Variants in DLG2 observed in about 807,000 individuals in gnomAD.
DLG2 encodes discs large MAGUK scaffold protein 2, also known as disks large homolog 2.
Under a neutral mutation model 132.5 loss-of-function variants are expected in DLG2, and 45 were observed. The observed-to-expected ratio is 0.34, with a 90% CI of 0.27 to 0.44. DLG2 has a LOEUF of 0.44. Ranked by LOEUF, DLG2 falls within the 20% of genes least tolerant of loss-of-function variation. DLG2 has a pLI of 1.00. For synonymous variants in DLG2, 424 were observed against 419.6 expected (o/e 1.01, Z -0.13); for missense variants, 1,045 against 1,196.9 (o/e 0.87, Z 1.87).
chr11:83,743,143 C>A (rs1165193431), intron 18 of DLG2, among the ~76,000 whole-genome samples: 1 of 152,186 alleles, frequency 6.6e-6, no homozygotes, highest in Non-Finnish European at 1.5e-5. Context: ...TTTAGCTCTA[C>A]AATTCATGTT....
chr11:85,309,873 T>C (rs192877705), intron 3 of DLG2, among the ~76,000 whole-genome samples: 21 of 152,330 alleles, frequency 1.4e-4, no homozygotes, highest in African/African-American at 4.8e-4. Flanking sequence ...ATCTCTCCCA[T>C]AGCCATTATG....
At chr11:84,014,001 C>T (rs1031443112) in intron 11 of DLG2, among the ~76,000 whole-genome samples, 6 of 151,192 alleles carry the variant, frequency 4.0e-5, no homozygotes, top group Non-Finnish European at 2.9e-5. Flanking sequence ...TTGAGTATAT[C>T]TTCACAATGC....
intron 4 of DLG2, among the ~76,000 whole-genome samples, chr11:85,237,450 A>G (rs557903902): frequency 1.3e-5 from 2 of 152,144 alleles, no homozygotes; most frequent in African/African-American, 4.8e-5. Context: ...TACACAGTTG[A>G]CCCTTAAACA....
At chr11:83,777,278 G>A (rs566902836) in intron 18 of DLG2, among the ~76,000 whole-genome samples, 22 of 152,264 alleles carry the variant, frequency 1.4e-4, no homozygotes, top group African/African-American at 5.1e-4. Context: ...GAAACAAAGT[G>A]CAATTTGGAA....
chr11:84,583,637 G>A (rs1216675173), intron 6 of DLG2, among the ~76,000 whole-genome samples: 1 of 152,146 alleles, frequency 6.6e-6, no homozygotes, highest in Non-Finnish European at 1.5e-5. Context: ...AAATATTCTT[G>A]TATGGGTTCT....
chr11:84,850,538 G>A (rs955438730), intron 6 of DLG2, among the ~76,000 whole-genome samples: 1 of 152,088 alleles, frequency 6.6e-6, no homozygotes, highest in Non-Finnish European at 1.5e-5. Context: ...ACAATGTACT[G>A]GAATATCTAG....
At chr11:85,044,558 G>A (rs2062155181) in intron 6 of DLG2, among the ~76,000 whole-genome samples, 1 of 151,948 alleles carries the variant, frequency 6.6e-6, no homozygotes, top group African/African-American at 2.4e-5. Context: ...AACCTCCAGA[G>A]TGTTATTACA....
At chr11:84,844,961 T>C (rs1338001607) in intron 6 of DLG2, among the ~76,000 whole-genome samples, 4 of 152,162 alleles carry the variant, frequency 2.6e-5, no homozygotes, top group Non-Finnish European at 5.9e-5. Flanking sequence ...CATATTAACA[T>C]TGTTTTGAAG....
At chr11:84,074,220 G>A (rs1309830249) in intron 10 of DLG2, among the ~76,000 whole-genome samples, 1 of 151,970 alleles carries the variant, frequency 6.6e-6, no homozygotes, top group African/African-American at 2.4e-5. Flanking sequence ...CATCACCAGT[G>A]GCCAGCTCAA....
Position 85,604,686 on chromosome 11 carries a change from G to C in DLG2, c.-92-5898C>G, listed in dbSNP as rs555489801. ...TTGAGGGCAGGCACAGGAGGAAATGGGGGGGAAGGGAGAATCACTTTTTAA... is the reference window on the plus strand; with the variant it reads ...TTGAGGGCAGGCACAGGAGGAAATGCGGGGGAAGGGAGAATCACTTTTTAA... On this transcript the variant is annotated intron_variant, in intron 2 of 27. Coordinates refer to ENST00000376104, the MANE Select transcript of DLG2 (RefSeq NM_001142699.3). 1.7e-4 allele frequency among the ~76,000 whole-genome samples: 26 copies of C among 152,148 alleles called. 1 individual carries two copies. The South Asian group carries it at 5.2e-3, about 30-fold the overall frequency.
At chr11:84,662,894 G>A (rs1415864412) in intron 6 of DLG2, among the ~76,000 whole-genome samples, 3 of 151,236 alleles carry the variant, frequency 2.0e-5, no homozygotes. Flanking sequence ...GGAGCTATAA[G>A]TCTAGTTTTA....
chr11:84,807,709 T>C (rs2076152264), intron 6 of DLG2, among the ~76,000 whole-genome samples: 1 of 152,150 alleles, frequency 6.6e-6, no homozygotes, highest in South Asian at 2.1e-4. Context: ...TTATCTATTG[T>C]AATACCAGAT....
chr11:85,208,759 G>C (rs889394586), intron 4 of DLG2, among the ~76,000 whole-genome samples: 1 of 152,098 alleles, frequency 6.6e-6, no homozygotes, highest in Non-Finnish European at 1.5e-5. Context: ...AGCTACCAGA[G>C]AACCAGGGAG....
chr11:85,559,849 TAGATAGATAG>T (rs1400324620), intron 3 of DLG2, among the ~76,000 whole-genome samples: 12 of 151,048 alleles, frequency 7.9e-5, no homozygotes, highest in African/African-American at 2.9e-4. Context: ...GATAGATAGA[TAGATAGATAG>T]AGATAAATAT....
At chr11:83,472,836 G>A (rs2092229029) in intron 22 of DLG2, 59 bp from the exon 23 acceptor site, 27 of 1,416,856 alleles carry the variant, frequency 1.9e-5, no homozygotes, top group Admixed American at 5.3e-5. Context: ...ACAGAGACAA[G>A]CCCTGCTCTG....
At chr11:84,224,815 C>G (rs1223725696) in intron 8 of DLG2, among the ~76,000 whole-genome samples, 1 of 152,176 alleles carries the variant, frequency 6.6e-6, no homozygotes, top group African/African-American at 2.4e-5. Flanking sequence ...CCTGAAACAC[C>G]AAACTGAAAA....
At chr11:84,859,699 GTTC>G (rs2083354315) in intron 6 of DLG2, among the ~76,000 whole-genome samples, 1 of 151,524 alleles carries the variant, frequency 6.6e-6, no homozygotes, top group Non-Finnish European at 1.5e-5. Context: ...ATTCTACAAA[GTTC>G]TTCTATAAAC....
At chr11:83,780,988 T>C (rs146976591) in intron 18 of DLG2, among the ~76,000 whole-genome samples, 1 of 152,320 alleles carries the variant, frequency 6.6e-6, no homozygotes, top group East Asian at 1.9e-4. Flanking sequence ...CTGGGGAATC[T>C]TGATAAAATG....
At chr11:84,009,389 C>T (rs1244188086) in intron 11 of DLG2, among the ~76,000 whole-genome samples, 1 of 152,052 alleles carries the variant, frequency 6.6e-6, no homozygotes, top group Non-Finnish European at 1.5e-5. Context: ...AAGATGCTAA[C>T]TCAAGCTTCT....
Sources: allele counts gnomAD v4.1 joint callset (sites outside exome capture counted in the v4.1 genomes callset), GRCh38; gene constraint gnomAD v4.1.1; transcripts MANE v1.5; gene names NCBI Gene and HGNC (gene_info 2026-07-23, HGNC 2026-07-21).